The following KCNMA1 variants were observed in gnomAD, a reference collection of about 807,000 sequenced individuals.
KCNMA1 encodes potassium calcium-activated channel subfamily M alpha 1, also known as Calcium-activated potassium channel subunit alpha-1.
In KCNMA1, 29 loss-of-function variants were observed where a neutral mutation model predicts 140.0. That is an observed-to-expected ratio of 0.21 (90% CI 0.15 to 0.28). KCNMA1 has a LOEUF of 0.28. Ranked by LOEUF, KCNMA1 falls within the 10% of genes least tolerant of loss-of-function variation. The pLI is 1.00. For missense variants in KCNMA1, 880 were observed against 1,602.2 expected, an observed-to-expected ratio of 0.55 and a Z score of 7.70; for synonymous variants, 612 against 611.9, an observed-to-expected ratio of 1.00 and a Z score of 0.00.
chr10:76,974,632 G>GA, intron 19 of KCNMA1: 1 of 1,211,996 alleles, frequency 8.3e-7, no homozygotes, highest in South Asian at 1.3e-5. Flanking sequence ...ATTTCTTTTA[G>GA]AAAAGTTCCA....
chr10:77,300,740 T>A (rs2076337416), intron 2 of KCNMA1, among the ~76,000 whole-genome samples: 1 of 152,184 alleles, frequency 6.6e-6, no homozygotes, highest in African/African-American at 2.4e-5. Context: ...TGCAGCATAG[T>A]CTCTACCAGC....
chr10:77,406,609 G>A (rs1368939228), intron 1 of KCNMA1, among the ~76,000 whole-genome samples: 1 of 152,098 alleles, frequency 6.6e-6, no homozygotes, highest in African/African-American at 2.4e-5. Context: ...CACAGCTCCT[G>A]ACTACCCTAG....
chr10:77,280,750 A>G (rs2068255433), intron 2 of KCNMA1, among the ~76,000 whole-genome samples: 2 of 150,258 alleles, frequency 1.3e-5, no homozygotes, highest in African/African-American at 4.9e-5. Context: ...GCTGGTCTCG[A>G]ATTCCTGGGC....
intron 3 of KCNMA1, among the ~76,000 whole-genome samples, chr10:77,223,761 G>C (rs1405445913): frequency 6.6e-6 from 1 of 152,166 alleles, no homozygotes. Context: ...GTTTCAAGGA[G>C]GGTGTGCTTG....
chr10:77,119,149 G>A (rs1564645189), intron 6 of KCNMA1, among the ~76,000 whole-genome samples: 1 of 152,222 alleles, frequency 6.6e-6, no homozygotes, highest in Non-Finnish European at 1.5e-5. Flanking sequence ...GCAGCACTGA[G>A]TGCAGTTGGC....
chr10:77,636,532 A>G, intron 1 of KCNMA1: 1 of 1,536,194 alleles, frequency 6.5e-7, no homozygotes, highest in Non-Finnish European at 8.7e-7. Flanking sequence ...GCAAAGGAAC[A>G]GAGGCCGAAG....
intron 19 of KCNMA1, among the ~76,000 whole-genome samples, chr10:76,982,482 G>C (rs2079844643): frequency 6.6e-6 from 1 of 152,158 alleles, no homozygotes; most frequent in African/African-American, 2.4e-5. Context: ...AGTGGCAGTA[G>C]AGGGTGGGAA....
At chr10:77,408,514 ATG>A (rs753728070) in intron 1 of KCNMA1, among the ~76,000 whole-genome samples, 4 of 151,238 alleles carry the variant, frequency 2.6e-5, no homozygotes, top group East Asian at 1.9e-4. Flanking sequence ...GAATGTGTGC[ATG>A]TGTGTGTGCA....
chr10:77,114,781 T>C (rs749555006), intron 6 of KCNMA1, among the ~76,000 whole-genome samples: 2 of 152,214 alleles, frequency 1.3e-5, no homozygotes, highest in Non-Finnish European at 2.9e-5. Flanking sequence ...AGGTTGCTAT[T>C]TGACTCTTGT....
intron 2 of KCNMA1, among the ~76,000 whole-genome samples, chr10:77,382,885 A>ATATAT (rs1555265195): frequency 1.1e-5 from 1 of 91,318 alleles, no homozygotes; most frequent in African/African-American, 4.8e-5. Context: ...AAAAAAAAAA[A>ATATAT]ATATATATAT....
At chr10:77,418,427 G>A (rs999295604) in intron 1 of KCNMA1, among the ~76,000 whole-genome samples, 26 of 152,140 alleles carry the variant, frequency 1.7e-4, no homozygotes, top group African/African-American at 5.8e-4. Flanking sequence ...ACCCCAGCTT[G>A]TCAGTGGGGG....
intron 1 of KCNMA1, among the ~76,000 whole-genome samples, chr10:77,572,821 C>A (rs1189922269): frequency 1.3e-4 from 20 of 149,510 alleles, no homozygotes; most frequent in Admixed American, 1.3e-3. Flanking sequence ...TGATTCCTCA[C>A]TCAAAATCTT....
At chr10:77,365,565 C>T (rs767999538) in intron 2 of KCNMA1, among the ~76,000 whole-genome samples, 5 of 152,210 alleles carry the variant, frequency 3.3e-5, no homozygotes, top group Non-Finnish European at 7.3e-5. Flanking sequence ...ACAGGCTAGC[C>T]ACTTTACAAG....
intron 1 of KCNMA1, among the ~76,000 whole-genome samples, chr10:77,582,884 C>T (rs1241274221): frequency 6.6e-6 from 1 of 152,242 alleles, no homozygotes; most frequent in Non-Finnish European, 1.5e-5. Context: ...GGGCAAGCCA[C>T]CAGCCAGGGA....
At chr10:76,924,555 C>CT (rs1271746077) in intron 23 of KCNMA1, among the ~76,000 whole-genome samples, 1 of 152,072 alleles carries the variant, frequency 6.6e-6, no homozygotes, top group African/African-American at 2.4e-5. Context: ...CTCATGTGAT[C>CT]TCTATGGGTT....
At chr10:77,381,141 A>C (rs1330691353) in intron 2 of KCNMA1, among the ~76,000 whole-genome samples, 1 of 152,170 alleles carries the variant, frequency 6.6e-6, no homozygotes, top group Non-Finnish European at 1.5e-5. Flanking sequence ...AGATTCATTC[A>C]TTCAGCCCCT....
intron 19 of KCNMA1, 100 bp downstream of exon 19, chr10:77,001,307 A>G (rs2086363408): frequency 4.5e-6 from 5 of 1,100,214 alleles, no homozygotes; most frequent in Admixed American, 2.0e-5. Flanking sequence ...GGAAGAAGAC[A>G]TCAGCCCGAC....
At chr10:77,369,260 T>C (rs1028742856) in intron 2 of KCNMA1, among the ~76,000 whole-genome samples, 1 of 152,168 alleles carries the variant, frequency 6.6e-6, no homozygotes, top group African/African-American at 2.4e-5. Flanking sequence ...CATTAGAGTC[T>C]GGGAAGCACA....
intron 14 of KCNMA1, among the ~76,000 whole-genome samples, chr10:77,047,250 A>G (rs2095110766): frequency 6.6e-6 from 1 of 152,238 alleles, no homozygotes; most frequent in Non-Finnish European, 1.5e-5. Flanking sequence ...AACTCCAAAT[A>G]TTAATTTCGG....
Sources: allele counts gnomAD v4.1 joint callset (sites outside exome capture counted in the v4.1 genomes callset), GRCh38; gene constraint gnomAD v4.1.1; transcripts MANE v1.5; gene names NCBI Gene and HGNC (gene_info 2026-07-23, HGNC 2026-07-21).